The following MAPK14 variants were observed in gnomAD, a reference collection of about 807,000 sequenced individuals.
MAPK14 encodes mitogen-activated protein kinase 14.
MAPK14 carries 16 observed loss-of-function variants against 49.6 expected under a neutral mutation model. The ratio of observed to expected loss-of-function variants is 0.32; its 90% CI spans 0.22 to 0.49. The LOEUF (loss-of-function observed/expected upper bound fraction) is 0.49, where lower values mean the gene tolerates loss of function less well. Ranked by LOEUF, MAPK14 falls within the 20% of genes least tolerant of loss-of-function variation. The pLI is 0.99. For synonymous variants in MAPK14, 142 were observed against 158.0 expected (o/e 0.90, Z 0.76); for missense variants, 200 against 441.2 (o/e 0.45, Z 4.90).
the MAPK14 span, among the ~76,000 whole-genome samples, chr6:36,120,503 TC>T: frequency 6.6e-6 from 1 of 151,962 alleles, no homozygotes; most frequent in Non-Finnish European, 1.5e-5. Context: ...TGTTTCCTTT[TC>T]CTCTTCCCCC....
intron 1 of MAPK14, among the ~76,000 whole-genome samples, chr6:36,041,109 A>T (rs1438142390): frequency 6.6e-6 from 1 of 152,166 alleles, no homozygotes; most frequent in Non-Finnish European, 1.5e-5. Flanking sequence ...ACCTTAGAAG[A>T]TACAATGCAT....
chr6:36,059,415 T>C (rs956471751), intron 3 of MAPK14, 68 bp downstream of exon 3: 4 of 1,137,028 alleles, frequency 3.5e-6, no homozygotes, highest in Non-Finnish European at 5.3e-6. Flanking sequence ...TTTCTATTCC[T>C]GAACCATTTA....
At chr6:36,053,393 G>A (rs1410323324) in intron 2 of MAPK14, among the ~76,000 whole-genome samples, 2 of 151,474 alleles carry the variant, frequency 1.3e-5, no homozygotes, top group African/African-American at 4.9e-5. Context: ...ATATGTCAGA[G>A]GCATTGTTTA....
intron 8 of MAPK14, among the ~76,000 whole-genome samples, chr6:36,087,437 C>G (rs192053138): frequency 0.027 from 4,087 of 152,290 alleles, 145 homozygotes; most frequent in African/African-American, 0.087. Context: ...AGCAAAGTCT[C>G]GGGATACAAA....
chr6:36,073,136 T>C (rs1340150943), intron 4 of MAPK14, 152 bp downstream of exon 4: 10 of 638,676 alleles, frequency 1.6e-5, no homozygotes, highest in Non-Finnish European at 2.5e-5. Flanking sequence ...TAAACTGCCA[T>C]GTTCACTCAG....
At chr6:36,118,012 T>C in the MAPK14 span, among the ~76,000 whole-genome samples, 1 of 152,248 alleles carries the variant, frequency 6.6e-6, no homozygotes, top group Non-Finnish European at 1.5e-5. Context: ...TAAGAAATGG[T>C]GCTGTGTGGA....
chr6:36,037,710 A>G (rs1477712542), intron 1 of MAPK14, among the ~76,000 whole-genome samples: 12 of 152,144 alleles, frequency 7.9e-5, no homozygotes, highest in Non-Finnish European at 1.8e-4. Flanking sequence ...GGCCAGGTGC[A>G]GTGAGTGGCT....
At chr6:36,051,331 G>A (rs1229803620) in intron 1 of MAPK14, among the ~76,000 whole-genome samples, 3 of 152,016 alleles carry the variant, frequency 2.0e-5, no homozygotes, top group East Asian at 1.9e-4. Flanking sequence ...GACTGGTCTC[G>A]AGCTCCTGAC....
Position 36,107,006 on chromosome 6 carries a change from C to T in MAPK14, c.842-449C>T, listed in dbSNP as rs748983610. Among the ~76,000 whole-genome samples the T allele has an allele frequency of 3.9e-5, 6 of 152,016 alleles. No homozygotes were observed. The highest frequency in any genetic ancestry group is 4.8e-5 in the African/African-American group (2 of 41,344). ...TACACTGGTAGCAGTTTGACATTGA[C>T]GGTCCACAAAAGCCTGTTCAAACAG... On this transcript the variant is annotated intron_variant, in intron 10 of 11. Coordinates refer to ENST00000229794, the MANE Select transcript of MAPK14 (RefSeq NM_139012.3). The surrounding 1 kb of genome is among the most constrained non-coding windows in gnomAD (Gnocchi z 4.3).
intron 1 of MAPK14, chr6:36,029,273 TG>T (rs1762441747): frequency 6.6e-6 from 1 of 152,188 alleles, no homozygotes; most frequent in Non-Finnish European, 1.5e-5. Context: ...AGGTACACGA[TG>T]GTTTTCGTAA....
chr6:36,093,116 G>GC (rs1199451305), intron 8 of MAPK14, among the ~76,000 whole-genome samples: 1 of 152,118 alleles, frequency 6.6e-6, no homozygotes, highest in Non-Finnish European at 1.5e-5. Flanking sequence ...GAAGGGGGAG[G>GC]TATTCTGGTT....
At chr6:36,038,113 A>T (rs1762821631) in intron 1 of MAPK14, among the ~76,000 whole-genome samples, 1 of 152,170 alleles carries the variant, frequency 6.6e-6, no homozygotes, top group Non-Finnish European at 1.5e-5. Context: ...AGAAAATGCA[A>T]GAAGGGAAGG....
At chr6:36,041,325 C>A (rs1185975210) in intron 1 of MAPK14, among the ~76,000 whole-genome samples, 1 of 150,874 alleles carries the variant, frequency 6.6e-6, no homozygotes, top group African/African-American at 2.4e-5. Flanking sequence ...TTTTCTTCCT[C>A]TTTTCTTTCT....
intron 8 of MAPK14, 73 bp downstream of exon 8, chr6:36,076,681 C>G: frequency 8.7e-7 from 1 of 1,151,186 alleles, no homozygotes; most frequent in South Asian, 1.3e-5. Flanking sequence ...ACTCCTTTTA[C>G]TTATCTCTAG....
In MAPK14 at chr6:36,028,133, C is replaced by T. The variant is rs764312683; in HGVS notation, c.-25C>T. ...GGCGGGGGCCCCACAGGGCCACCTT[C>T]TTGCCCGGCGGCTGCCGCTGGAAAA... On this transcript the variant is annotated 5_prime_UTR_variant, in exon 1 of 12. Transcript: ENST00000229794. The surrounding 1 kb of genome is among the most constrained non-coding windows in gnomAD (Gnocchi z 5.1). The T allele has an allele frequency of 2.5e-6, 4 of 1,571,270 alleles. No homozygotes were observed. The highest frequency in any genetic ancestry group is 3.5e-6 in the Non-Finnish European group (4 of 1,143,378).
Position 36,027,918 on chromosome 6 carries a change from C to G in MAPK14, c.-240C>G. The G allele has an allele frequency of 2.4e-6, 1 of 415,610 alleles. No homozygotes were observed. The highest frequency in any genetic ancestry group is 4.2e-6 in the Non-Finnish European group (1 of 238,310). The allele number at this position is 415,610 out of a possible 1,614,324, so 25.7% of individuals were successfully genotyped here. ...AGATCGCGGCGGGCGCAGTCTTGAG[C>G]GCCGGAGCGCGTCCCTGCCCTTAGC... On this transcript the variant is annotated 5_prime_UTR_variant, in exon 1 of 12. Transcript: ENST00000229794.
rs1320991010 is a variant in MAPK14, at chr6:36,028,540, G to A, written c.116+267G>A. Among the ~76,000 whole-genome samples the A allele has an allele frequency of 6.6e-6, 1 of 152,220 alleles. No homozygotes were observed. The highest frequency in any genetic ancestry group is 1.5e-5 in the Non-Finnish European group (1 of 68,036). ...GGAGCTCGGTTCTGGCTAGCACCCT[G>A]CGCCTTCCCCTCTCGGAGGGTTGCT... On this transcript the variant is annotated intron_variant, in intron 1 of 11. Transcript: ENST00000229794. This position sits in a 1 kb window ranked among gnomAD's most constrained non-coding sequence, Gnocchi z 5.1.
chr6:36,073,941 G>T, intron 5 of MAPK14, 108 bp from the exon 6 acceptor site: 2 of 951,932 alleles, frequency 2.1e-6, no homozygotes, highest in South Asian at 2.8e-5. Flanking sequence ...ATTGTCTTTT[G>T]ATAGCTGGAT....
chr6:36,044,359 TG>T (rs965685908), intron 1 of MAPK14, among the ~76,000 whole-genome samples: 3 of 152,230 alleles, frequency 2.0e-5, no homozygotes, highest in African/African-American at 4.8e-5. Flanking sequence ...AAACACAGAT[TG>T]TTTTTTGAGG....
Sources: allele counts gnomAD v4.1 joint callset (sites outside exome capture counted in the v4.1 genomes callset), GRCh38; gene constraint gnomAD v4.1.1; non-coding constraint Gnocchi (gnomAD v3.1); transcripts MANE v1.5; gene names NCBI Gene and HGNC (gene_info 2026-07-23, HGNC 2026-07-21).